SUCLG2: variants seen among roughly 807,000 people sequenced by gnomAD.
SUCLG2 encodes succinate--CoA ligase [GDP-forming] subunit beta, mitochondrial.
A neutral mutation model predicts 47.9 loss-of-function variants in SUCLG2; 42 were observed. The observed-to-expected ratio is 0.88, with a 90% CI of 0.69 to 1.14. SUCLG2 has a LOEUF of 1.14. Among genes scored for constraint, SUCLG2 ranks in the 50% most tolerant of loss-of-function variants. The pLI is 0.00. For synonymous variants in SUCLG2, 195 were observed against 197.3 expected, an observed-to-expected ratio of 0.99 and a Z score of 0.10; for missense variants, 571 against 525.9, an observed-to-expected ratio of 1.09 and a Z score of -0.84.
chr3:67,392,023 G>A (rs1222047884), intron 10 of SUCLG2, among the ~76,000 whole-genome samples: 1 of 152,106 alleles, frequency 6.6e-6, no homozygotes, highest in Non-Finnish European at 1.5e-5. Flanking sequence ...GTTTTTGTCA[G>A]TGCATGCCCC....
At chr3:67,366,246 G>C (rs1235753788) in intron 10 of SUCLG2, among the ~76,000 whole-genome samples, 3 of 152,138 alleles carry the variant, frequency 2.0e-5, no homozygotes, top group Non-Finnish European at 4.4e-5. Flanking sequence ...CGGATCATGA[G>C]GTCAGGAGAT....
intron 10 of SUCLG2, among the ~76,000 whole-genome samples, chr3:67,364,849 G>A (rs1701855459): frequency 6.6e-6 from 1 of 152,160 alleles, no homozygotes; most frequent in African/African-American, 2.4e-5. Flanking sequence ...GACAGGAATG[G>A]CAGAATCATC....
chr3:67,443,885 C>G (rs1425996300), intron 9 of SUCLG2, among the ~76,000 whole-genome samples: 1 of 81,900 alleles, frequency 1.2e-5, no homozygotes, highest in Non-Finnish European at 2.9e-5. Context: ...TGAGGAGCCT[C>G]TCCACCCGGC....
chr3:67,444,087 CCG>C (rs1425602044), intron 9 of SUCLG2, among the ~76,000 whole-genome samples: 2 of 108,242 alleles, frequency 1.8e-5, no homozygotes, highest in East Asian at 8.4e-4. Flanking sequence ...GCCTGGCCAG[CCG>C]CGCCGTCCGG....
At chr3:67,400,275 C>T (rs1248075003) in intron 10 of SUCLG2, among the ~76,000 whole-genome samples, 6 of 151,378 alleles carry the variant, frequency 4.0e-5, no homozygotes, top group African/African-American at 1.5e-4. Flanking sequence ...ATAAAATATA[C>T]AAATTATTTT....
chr3:67,462,836 T>G (rs760925013), intron 9 of SUCLG2, among the ~76,000 whole-genome samples: 2 of 152,136 alleles, frequency 1.3e-5, no homozygotes, highest in Non-Finnish European at 2.9e-5. Context: ...CCTCAACCTG[T>G]GGGATCTGAG....
At chr3:67,574,896 T>G (rs1452325657) in intron 2 of SUCLG2, among the ~76,000 whole-genome samples, 8 of 152,190 alleles carry the variant, frequency 5.3e-5, no homozygotes, top group Non-Finnish European at 1.2e-4. Context: ...GCAAACTATA[T>G]GGCCAGATAA....
chr3:67,366,248 T>A (rs928613777), intron 10 of SUCLG2, among the ~76,000 whole-genome samples: 2 of 152,066 alleles, frequency 1.3e-5, no homozygotes, highest in Non-Finnish European at 2.9e-5. Flanking sequence ...GATCATGAGG[T>A]CAGGAGATCG....
At chr3:67,548,147 A>G (rs953540596) in intron 2 of SUCLG2, among the ~76,000 whole-genome samples, 5 of 152,192 alleles carry the variant, frequency 3.3e-5, no homozygotes, top group Middle Eastern at 3.2e-3. Flanking sequence ...AAATGACCCA[A>G]TTGAAGTTAA....
chr3:67,403,304 C>T (rs528881907), intron 9 of SUCLG2, among the ~76,000 whole-genome samples: 19 of 152,130 alleles, frequency 1.2e-4, no homozygotes, highest in Non-Finnish European at 2.6e-4. Flanking sequence ...ATGCAACTCC[C>T]GTGTTTGGAT....
chr3:67,530,619 C>T lies in SUCLG2; in HGVS notation c.227-1433G>A, dbSNP rs116146344. ...GAAGGCATTCAGCCAGCTGATGTCA[C>T]ACCATTGAGGCTCCTTCACTGCCTT... On this transcript the variant is annotated intron_variant, in intron 2 of 10. Coordinates refer to ENST00000307227, the MANE Select transcript of SUCLG2 (RefSeq NM_003848.4). 5.7e-3 allele frequency among the ~76,000 whole-genome samples: 869 copies of T among 152,336 alleles called. 7 individuals are homozygous for T. Among genetic ancestry groups the T allele is most frequent in the African/African-American group, 0.019 (793 of 41,586 alleles).
chr3:67,495,736 T>G, intron 9 of SUCLG2, 62 bp downstream of exon 9: 20 of 1,593,632 alleles, frequency 1.3e-5, no homozygotes, highest in Non-Finnish European at 1.6e-5. Flanking sequence ...GAAGAACAAG[T>G]GAGCTCTTGA....
At chr3:67,441,925 T>C (rs1703773599) in intron 9 of SUCLG2, among the ~76,000 whole-genome samples, 1 of 152,200 alleles carries the variant, frequency 6.6e-6, no homozygotes, top group South Asian at 2.1e-4. Flanking sequence ...CCCATCAGTA[T>C]CTTGTTCTGA....
chr3:67,549,707 G>C lies in SUCLG2; in HGVS notation c.227-20521C>G, dbSNP rs529291544. ...AGGAGTAACAGTACATTGTTATGAG[G>C]GGGAAAAGCTTAGCATAGTGCAAAA... On this transcript the variant is annotated intron_variant, in intron 2 of 10. Transcript: ENST00000307227. 4.6e-5 allele frequency among the ~76,000 whole-genome samples: 7 copies of C among 152,124 alleles called. No individual in the cohort carries two copies. In the South Asian group the frequency reaches 1.3e-3, roughly 27 times the overall value.
At chr3:67,484,672 A>AT (rs1211719861) in intron 9 of SUCLG2, among the ~76,000 whole-genome samples, 1 of 152,196 alleles carries the variant, frequency 6.6e-6, no homozygotes, top group Non-Finnish European at 1.5e-5. Context: ...ATTTTACAGA[A>AT]TTTTTAAAAA....
intron 6 of SUCLG2, among the ~76,000 whole-genome samples, chr3:67,516,380 T>C (rs1039812307): frequency 6.6e-6 from 1 of 152,150 alleles, no homozygotes; most frequent in African/African-American, 2.4e-5. Flanking sequence ...TGTAAATAAC[T>C]CTTAATTTTC....
chr3:67,486,686 G>A (rs1410462035), intron 9 of SUCLG2, among the ~76,000 whole-genome samples: 1 of 152,062 alleles, frequency 6.6e-6, no homozygotes, highest in South Asian at 2.1e-4. Flanking sequence ...CTGACACTTA[G>A]GAATGCTAGA....
chr3:67,381,336 G>T (rs1702154189), intron 10 of SUCLG2, among the ~76,000 whole-genome samples: 2 of 152,074 alleles, frequency 1.3e-5, no homozygotes, highest in Non-Finnish European at 1.5e-5. Context: ...TTTGCAAAAT[G>T]ATATTATTTG....
chr3:67,642,745 T>A (rs916525167), intron 1 of SUCLG2, among the ~76,000 whole-genome samples: 1 of 152,186 alleles, frequency 6.6e-6, no homozygotes, highest in Admixed American at 6.5e-5. Flanking sequence ...GCCCACAGAA[T>A]GTGCTTGATA....
Sources: gnomAD v4.1 joint callset for allele counts (sites outside exome capture counted in the v4.1 genomes callset) on GRCh38, gnomAD v4.1.1 for gene constraint, MANE v1.5 for transcripts, NCBI Gene and HGNC (gene_info 2026-07-23, HGNC 2026-07-21) for gene names.